Variants in NALCN observed in about 807,000 individuals in gnomAD.
NALCN encodes sodium leak channel NALCN.
A neutral mutation model predicts 225.3 loss-of-function variants in NALCN; 111 were observed. The observed-to-expected ratio is 0.49, with a 90% CI of 0.42 to 0.58. The LOEUF (loss-of-function observed/expected upper bound fraction) is 0.58. Ranked by LOEUF, NALCN falls within the 20% of genes least tolerant of loss-of-function variation. The pLI, the probability that NALCN is intolerant of heterozygous loss-of-function variation, is 0.00. For missense variants in NALCN, 1,378 were observed against 2,202.4 expected, an observed-to-expected ratio of 0.63 and a Z score of 7.49; for synonymous variants, 764 against 769.0, an observed-to-expected ratio of 0.99 and a Z score of 0.11.
chr13:101,340,342 G>A (rs898964164), intron 7 of NALCN, among the ~76,000 whole-genome samples: 1 of 152,092 alleles, frequency 6.6e-6, no homozygotes, highest in African/African-American at 2.4e-5. Flanking sequence ...TGGAAAACCT[G>A]CATAGTTAAT....
rs2041796773 is a variant in NALCN at position 101,242,960 on chromosome 13, A to G, written c.1267-5038T>C. On this transcript the variant is annotated intron_variant, in intron 11 of 43. Coordinates refer to ENST00000251127, the MANE Select transcript of NALCN (RefSeq NM_052867.4). The stretch of plus-strand genomic sequence containing the variant: ...ATTTTACTTTTTCAGGTTTAGGTTC[A>G]GCCTGTTTAGGGGCTGAACAAGGTT... 1.9e-5 allele frequency among the ~76,000 whole-genome samples: 2 copies of G among 105,216 alleles called. 1 individual carries two copies. 69.0% of individuals were successfully genotyped at this position (105,216 alleles called of 152,430 possible). A position where few individuals can be genotyped will look rare whatever the true frequency, so the allele number is the denominator to read the frequency against.
chr13:101,309,351 C>T (rs2044260333), intron 7 of NALCN, among the ~76,000 whole-genome samples: 4 of 152,104 alleles, frequency 2.6e-5, no homozygotes, highest in African/African-American at 9.7e-5. Context: ...ATATTTAGTA[C>T]TGGAATAGGA....
chr13:101,172,713 C>T (rs2038785944), intron 15 of NALCN, among the ~76,000 whole-genome samples: 1 of 151,316 alleles, frequency 6.6e-6, no homozygotes, highest in Non-Finnish European at 1.5e-5. Flanking sequence ...GTGCCCGCCA[C>T]CACGCGCAGC....
At chr13:101,249,833 C>T (rs1452567408) in intron 11 of NALCN, among the ~76,000 whole-genome samples, 1 of 152,010 alleles carries the variant, frequency 6.6e-6, no homozygotes, top group African/African-American at 2.4e-5. Flanking sequence ...TATAGAAAAA[C>T]ACCCAGCATG....
intron 11 of NALCN, among the ~76,000 whole-genome samples, chr13:101,246,413 G>A (rs530714652): frequency 6.6e-6 from 1 of 152,264 alleles, no homozygotes; most frequent in Non-Finnish European, 1.5e-5. Context: ...AATCAGTTCA[G>A]GCAATCCCAT....
intron 15 of NALCN, among the ~76,000 whole-genome samples, chr13:101,155,287 C>A (rs1439790542): frequency 6.6e-6 from 1 of 152,214 alleles, no homozygotes; most frequent in Non-Finnish European, 1.5e-5. Context: ...CAGGTTTTTG[C>A]ACGAATGACT....
At chr13:101,244,981 G>A (rs2041851461) in intron 11 of NALCN, among the ~76,000 whole-genome samples, 1 of 151,210 alleles carries the variant, frequency 6.6e-6, no homozygotes, top group African/African-American at 2.4e-5. Context: ...TGGGGTCTCT[G>A]CAGAACCTAG....
At chr13:101,056,448 G>C (rs1432459471) in intron 43 of NALCN, among the ~76,000 whole-genome samples, 2 of 151,804 alleles carry the variant, frequency 1.3e-5, no homozygotes, top group African/African-American at 2.4e-5. Context: ...TTTTAGTAGA[G>C]ACAGGGTTTC....
intron 1 of NALCN, among the ~76,000 whole-genome samples, chr13:101,408,081 G>A (rs950014887): frequency 6.6e-5 from 10 of 152,152 alleles, no homozygotes; most frequent in African/African-American, 2.4e-4. Flanking sequence ...GATAAACCAC[G>A]AGGGAGCCAG....
intron 33 of NALCN, among the ~76,000 whole-genome samples, chr13:101,082,472 G>A (rs2033708151): frequency 6.6e-6 from 1 of 152,140 alleles, no homozygotes; most frequent in Non-Finnish European, 1.5e-5. Flanking sequence ...AAATAACCTT[G>A]TCTGGGCCAA....
At chr13:101,212,521 T>A (rs1379303539) in intron 13 of NALCN, among the ~76,000 whole-genome samples, 1 of 152,186 alleles carries the variant, frequency 6.6e-6, no homozygotes, top group African/African-American at 2.4e-5. Flanking sequence ...CATTTGTTCA[T>A]GTCGGTATGC....
At position 101,244,508 on chromosome 13, in the gene NALCN, C is replaced by A. The variant is rs534161674; in HGVS notation, c.1267-6586G>T. Among the ~76,000 whole-genome samples, 365 of 152,270 alleles carry A rather than the reference C, an allele frequency of 2.4e-3. 1 individual carries two copies. The highest frequency in any genetic ancestry group is 7.6e-3 in the African/African-American group (316 of 41,552). On this transcript the variant is annotated intron_variant, in intron 11 of 43. Transcript: ENST00000251127. The stretch of plus-strand genomic sequence containing the variant: ...GTCTCACTGATTTTCCCCTAGAATT[C>A]CTGATTCCAGATTCTCTTGGAATCA...
intron 15 of NALCN, among the ~76,000 whole-genome samples, chr13:101,159,830 C>A (rs750774326): frequency 6.6e-6 from 1 of 151,980 alleles, no homozygotes; most frequent in African/African-American, 2.4e-5. Context: ...GAGGGCACAC[C>A]GGATCTAAAG....
chr13:101,174,604 G>A (rs1241680825), intron 15 of NALCN, among the ~76,000 whole-genome samples: 1 of 152,020 alleles, frequency 6.6e-6, no homozygotes, highest in Non-Finnish European at 1.5e-5. Context: ...ATATAAATAA[G>A]TTAAAATGTT....
At chr13:101,351,701 A>C (rs1264227425) in intron 6 of NALCN, among the ~76,000 whole-genome samples, 2 of 152,202 alleles carry the variant, frequency 1.3e-5, no homozygotes, top group East Asian at 3.9e-4. Context: ...GCTGTTTAAA[A>C]AACAATTCCC....
At chr13:101,113,390 A>G (rs1257906075) in intron 18 of NALCN, among the ~76,000 whole-genome samples, 1 of 152,206 alleles carries the variant, frequency 6.6e-6, no homozygotes, top group African/African-American at 2.4e-5. Context: ...ACGTTTCTGC[A>G]TAATGAAACA....
chr13:101,149,149 T>C (rs184621071), intron 15 of NALCN, among the ~76,000 whole-genome samples: 3,127 of 152,072 alleles, frequency 0.021, 46 homozygotes, highest in Middle Eastern at 0.041. Flanking sequence ...AAAAATTAGC[T>C]GGGCGTGGTG....
chr13:101,303,825 G>A (rs2044056998), intron 7 of NALCN, among the ~76,000 whole-genome samples: 1 of 152,106 alleles, frequency 6.6e-6, no homozygotes, highest in African/African-American at 2.4e-5. Flanking sequence ...CTGGGCTAAC[G>A]ACCTCAAGAG....
intron 1 of NALCN, among the ~76,000 whole-genome samples, chr13:101,411,521 T>A (rs1269050430): frequency 6.6e-6 from 1 of 151,980 alleles, no homozygotes; most frequent in Non-Finnish European, 1.5e-5. Context: ...CTAATTTTTT[T>A]GTATTTTTAG....
Sources: gnomAD v4.1 joint callset for allele counts (sites outside exome capture counted in the v4.1 genomes callset) on GRCh38, gnomAD v4.1.1 for gene constraint, MANE v1.5 for transcripts, NCBI Gene and HGNC (gene_info 2026-07-23, HGNC 2026-07-21) for gene names.